FGF13: variants seen among roughly 807,000 people sequenced by gnomAD.
The protein encoded by FGF13 is fibroblast growth factor 13.
A neutral mutation model predicts 19.5 loss-of-function variants in FGF13; 2 were observed. That is an observed-to-expected ratio of 0.10 (90% CI 0.04 to 0.32). The LOEUF (loss-of-function observed/expected upper bound fraction) is 0.32. FGF13 is among the 10% of genes least tolerant of loss of function. FGF13 has a pLI of 1.00. For synonymous variants in FGF13, 72 were observed against 76.9 expected (o/e 0.94, Z 0.33); for missense variants, 113 against 192.7 (o/e 0.59, Z 2.45).
At chrX:138,968,620 G>A (rs1196780727) in intron 1 of FGF13, among the ~76,000 whole-genome samples, 1 of 112,134 alleles carries the variant, frequency 8.9e-6, no homozygotes, top group Non-Finnish European at 1.9e-5. Context: ...AGAATGCCAC[G>A]AGGGAGGGTT....
chrX:139,013,491 ATATATATATATATATATAT>A (rs2092139239), intron 1 of FGF13, among the ~76,000 whole-genome samples: 1 of 2,635 alleles, frequency 3.8e-4, no homozygotes, highest in African/African-American at 7.4e-4. Flanking sequence ...ATATATATAT[ATATATATATATATATATAT>A]ATATATATAT....
At chrX:138,780,762 G>A (rs144823256) in intron 3 of FGF13, among the ~76,000 whole-genome samples, 99 of 110,308 alleles carry the variant, frequency 9.0e-4, no homozygotes, top group African/African-American at 2.6e-3. Flanking sequence ...TCCACGAGAC[G>A]GAAAGTCAAC....
At chrX:138,878,519 T>A (rs57888239) in intron 1 of FGF13, among the ~76,000 whole-genome samples, 21,889 of 107,076 alleles carry the variant, frequency 0.2, 1,746 homozygotes, top group East Asian at 0.41. Flanking sequence ...CCATGGTGTA[T>A]ATGTGCCACA....
intron 3 of FGF13, among the ~76,000 whole-genome samples, chrX:138,801,436 G>A (rs923980596): frequency 8.9e-6 from 1 of 111,853 alleles, no homozygotes; most frequent in African/African-American, 3.3e-5. Context: ...AAAGATTGCT[G>A]CCTGCTCCTT....
intron 1 of FGF13, among the ~76,000 whole-genome samples, chrX:139,141,984 C>T (rs2083849352): frequency 9.0e-6 from 1 of 111,413 alleles, no homozygotes; most frequent in East Asian, 2.8e-4. Context: ...CCTAAGAAGC[C>T]GAAAAAGAGA....
In FGF13 at chrX:138,616,118, A is replaced by G. The variant is rs1337252800; in HGVS notation, c.*16732T>C. 1.8e-5 allele frequency: 2 copies of G among 111,940 alleles called. No individual in the cohort carries two copies. The highest frequency in any genetic ancestry group is 7.5e-4 in the South Asian group (2 of 2,677). 9.2% of individuals were successfully genotyped at this position (111,940 alleles called of 1,213,427 possible). A position where few individuals can be genotyped will look rare whatever the true frequency, so the allele number is the denominator to read the frequency against. ...TTCAAAACACAATCATGCCCTTCCA[A>G]TAGTCCCCCAAAGTATTAACTCATT... On this transcript the variant is annotated 3_prime_UTR_variant, in exon 5 of 5. Transcript: ENST00000315930.
intron 3 of FGF13, among the ~76,000 whole-genome samples, chrX:138,756,286 T>A (rs1602791976): frequency 8.9e-6 from 1 of 112,582 alleles, no homozygotes; most frequent in East Asian, 2.8e-4. Flanking sequence ...AGTCAAGGAT[T>A]CCAGAAGCCC....
chrX:138,658,104 T>C (rs1367053061), intron 3 of FGF13, among the ~76,000 whole-genome samples: 1 of 112,143 alleles, frequency 8.9e-6, no homozygotes, highest in African/African-American at 3.2e-5. Flanking sequence ...ACAAGTGAAG[T>C]TGAGCAGTTA....
intron 1 of FGF13, among the ~76,000 whole-genome samples, chrX:139,197,118 C>G: frequency 8.9e-6 from 1 of 112,210 alleles, no homozygotes; most frequent in African/African-American, 3.2e-5. Context: ...AGGAAGTGAG[C>G]AGGGCATAGG....
intron 2 of FGF13, 65 bp downstream of exon 2, chrX:138,708,753 A>T (rs2090015200): frequency 2.8e-6 from 2 of 714,099 alleles, no homozygotes; most frequent in Non-Finnish European, 4.3e-6. Context: ...ATTTATTTTT[A>T]AAATAAATAA....
intron 1 of FGF13, among the ~76,000 whole-genome samples, chrX:138,902,927 A>G (rs892421154): frequency 9.0e-6 from 1 of 111,504 alleles, no homozygotes; most frequent in Non-Finnish European, 1.9e-5. Flanking sequence ...AGCTGAGATT[A>G]GCTATTGTTT....
chrX:139,101,791 T>C (rs997725304), intron 1 of FGF13, among the ~76,000 whole-genome samples: 14 of 112,125 alleles, frequency 1.2e-4, no homozygotes, highest in African/African-American at 4.5e-4. Context: ...TTCAATATTA[T>C]GCAACTATTT....
At chrX:138,778,765 T>C (rs1206941745) in intron 3 of FGF13, among the ~76,000 whole-genome samples, 2 of 112,199 alleles carry the variant, frequency 1.8e-5, no homozygotes, top group Admixed American at 9.3e-5. Flanking sequence ...TGCCCAGGCT[T>C]GATTAGGTAA....
Position 138,988,383 on chromosome X carries a change from A to C in FGF13, c.-112-123733T>G, listed in dbSNP as rs1362710264. Among the ~76,000 whole-genome samples, 11 of 112,612 alleles carry C rather than the reference A, an allele frequency of 9.8e-5. No individual in the cohort carries two copies. In the Admixed American group the frequency reaches 1.0e-3, roughly 11 times the overall value. ...TTTCATAAATATTTGTTGAATGAAC[A>C]AATGAATAACTGAATGCAATCTATG... On this transcript the variant is annotated intron_variant, in intron 1 of 2. Coordinates refer to the FGF13 transcript ENST00000421460.
At chrX:139,169,898 G>A (rs938528261) in intron 1 of FGF13, among the ~76,000 whole-genome samples, 23 of 111,343 alleles carry the variant, frequency 2.1e-4, no homozygotes, top group African/African-American at 7.5e-4. Flanking sequence ...CTGGGTTTTT[G>A]GTGGAGCACA....
At chrX:139,198,842 T>A (rs1345719534) in intron 1 of FGF13, among the ~76,000 whole-genome samples, 1 of 112,090 alleles carries the variant, frequency 8.9e-6, no homozygotes, top group African/African-American at 3.2e-5. Flanking sequence ...TAATGACTAC[T>A]AAATATTATT....
At chrX:138,928,314 A>T (rs1446054462) in intron 1 of FGF13, among the ~76,000 whole-genome samples, 1 of 110,405 alleles carries the variant, frequency 9.1e-6, no homozygotes, top group African/African-American at 3.3e-5. Flanking sequence ...TTTTAAAATT[A>T]AATAATTTAA....
At chrX:139,024,944 G>T (rs1183235002) in intron 1 of FGF13, among the ~76,000 whole-genome samples, 2 of 110,498 alleles carry the variant, frequency 1.8e-5, no homozygotes, top group African/African-American at 6.6e-5. Flanking sequence ...ATGATCCTGG[G>T]GCATAGTTTA....
intron 3 of FGF13, among the ~76,000 whole-genome samples, chrX:138,800,272 G>A (rs985359864): frequency 8.9e-6 from 1 of 111,812 alleles, no homozygotes; most frequent in Non-Finnish European, 1.9e-5. Context: ...AAGCCTGGCG[G>A]TGACAAAATC....
Sources: gnomAD v4.1 joint callset for allele counts (sites outside exome capture counted in the v4.1 genomes callset) on GRCh38, gnomAD v4.1.1 for gene constraint, MANE v1.5 for transcripts, NCBI Gene and HGNC (gene_info 2026-07-23, HGNC 2026-07-21) for gene names.